CLIP1: variants seen among roughly 807,000 people sequenced by gnomAD.
The protein encoded by CLIP1 is CAP-Gly domain-containing linker protein 1.
In CLIP1, 66 loss-of-function variants were observed where a neutral mutation model predicts 161.6. The observed-to-expected ratio is 0.41, with a 90% confidence interval of 0.33 to 0.50. The LOEUF (loss-of-function observed/expected upper bound fraction) is 0.50, where lower values mean the gene tolerates loss of function less well. CLIP1 is among the 20% of genes least tolerant of loss of function. The pLI is 0.27. For missense variants in CLIP1, 1,376 were observed against 1,702.0 expected, an observed-to-expected ratio of 0.81 and a Z score of 3.37; for synonymous variants, 598 against 626.2, an observed-to-expected ratio of 0.96 and a Z score of 0.67.
Position 122,334,472 on chromosome 12 carries a change from G to T in CLIP1, c.2626+176C>A, listed in dbSNP as rs117387247. On this transcript the variant is annotated intron_variant, in intron 13 of 25. Coordinates refer to ENST00000620786, the MANE Select transcript of CLIP1 (RefSeq NM_001247997.2). ...CCTTAAGCTAAAAGAAGAAAAAATT[G>T]GGAGTTTGAGGCTTCAGGAAACCAA... is the stretch of plus-strand genomic sequence containing the variant. 7.9e-4 allele frequency among the ~76,000 whole-genome samples: 121 copies of T among 152,310 alleles called. 3 individuals carry two copies. In the East Asian group the frequency reaches 0.023, roughly 29 times the overall value.
chr12:122,309,524 C>T (rs1022145572), intron 20 of CLIP1, among the ~76,000 whole-genome samples: 3 of 152,190 alleles, frequency 2.0e-5, no homozygotes, highest in Non-Finnish European at 4.4e-5. Flanking sequence ...GTATTTTCTA[C>T]TTGCTTGCAA....
intron 3 of CLIP1, 125 bp downstream of exon 3, chr12:122,377,264 T>A: frequency 1.2e-6 from 1 of 833,762 alleles, no homozygotes; most frequent in Non-Finnish European, 1.9e-6. Context: ...CGCCTCAGCC[T>A]CCCAAAGTGC....
intron 3 of CLIP1, among the ~76,000 whole-genome samples, chr12:122,374,650 T>G (rs1954628253): frequency 6.6e-6 from 1 of 151,854 alleles, no homozygotes; most frequent in Non-Finnish European, 1.5e-5. Flanking sequence ...TAATCCCAGC[T>G]ACTCAGGAGG....
intron 15 of CLIP1, among the ~76,000 whole-genome samples, chr12:122,330,914 T>C (rs571616718): frequency 1.3e-5 from 2 of 152,108 alleles, no homozygotes; most frequent in African/African-American, 2.4e-5. Context: ...AATGTAGTTA[T>C]TAAGAGCAGG....
Position 122,377,871 on chromosome 12 carries a change from GAA to G in CLIP1, c.173_174del (p.Phe58SerfsTer12). 1.2e-6 allele frequency: 2 copies of G among 1,613,856 alleles called. No homozygotes were observed. The highest frequency in any genetic ancestry group is 1.7e-6 in the Non-Finnish European group (2 of 1,180,012). ...SETQEEFVDD[F>X]RVGERVWVNG... ...TTCACCCAAACTCGCTCCCCAACTC[GAA>G]AGTCATCCACAAATTCCTCCTGAGT... is the stretch of plus-strand genomic sequence containing the variant. On this transcript the variant is annotated frameshift_variant, in exon 3 of 26. Transcript: ENST00000620786. LOFTEE classifies it high-confidence loss of function.
chr12:122,324,047 T>C (rs375318557), intron 17 of CLIP1: 9 of 152,690 alleles, frequency 5.9e-5, no homozygotes, highest in East Asian at 5.8e-4. Context: ...CTGTACAACA[T>C]TGATTTCTTT....
intron 5 of CLIP1, among the ~76,000 whole-genome samples, chr12:122,358,032 T>C (rs1953571725): frequency 6.6e-6 from 1 of 152,216 alleles, no homozygotes; most frequent in Admixed American, 6.5e-5. Context: ...AGAAATCGAA[T>C]GGTTGCCATG....
Position 122,319,413 on chromosome 12 carries a change from G to A in CLIP1, c.3250-65C>T, listed in dbSNP as rs1401976569. On this transcript the variant is annotated intron_variant, in intron 17 of 25. Transcript: ENST00000620786. Reference sequence around the variant, plus strand: ...TCGCCAACACCGTTAGGTGAGGATCGGGCTGTGCTGTTCAGGCAGCACTCA... The same window carrying A: ...TCGCCAACACCGTTAGGTGAGGATCAGGCTGTGCTGTTCAGGCAGCACTCA... The A allele has an allele frequency of 2.8e-5, 34 of 1,234,082 alleles. No homozygotes were observed. The East Asian group carries it at 2.8e-4, about 10-fold the overall frequency. The allele number at this position is 1,234,082 out of a possible 1,614,324, so 76.4% of individuals were successfully genotyped here.
chr12:122,352,102 AGCTGGAGT>A (rs1953067345), intron 8 of CLIP1, among the ~76,000 whole-genome samples: 1 of 150,016 alleles, frequency 6.7e-6, no homozygotes, highest in South Asian at 2.1e-4. Context: ...CCATCCCCCA[AGCTGGAGT>A]GCAGTGGCAC....
At chr12:122,405,880 C>G (rs1956310821) in intron 1 of CLIP1, among the ~76,000 whole-genome samples, 1 of 152,060 alleles carries the variant, frequency 6.6e-6, no homozygotes, top group African/African-American at 2.4e-5. Flanking sequence ...ACCAGCCTGG[C>G]CAACTTGGTG....
chr12:122,404,159 G>A (rs972601378), intron 1 of CLIP1, among the ~76,000 whole-genome samples: 2 of 152,156 alleles, frequency 1.3e-5, no homozygotes, highest in Admixed American at 6.5e-5. Flanking sequence ...TGTGTGTGAC[G>A]CCACCAAACA....
chr12:122,379,317 A>C (rs28730465), intron 2 of CLIP1, among the ~76,000 whole-genome samples: 30,768 of 151,048 alleles, frequency 0.2, 3,560 homozygotes, highest in Admixed American at 0.27. Flanking sequence ...CAAAAAAAAA[A>C]AAAAACAAAA....
In CLIP1 at chr12:122,274,040, G is replaced by A. The variant is rs1235146104; in HGVS notation, c.4089C>T (p.Asp1363=). The change falls in exon 25 of 26, where the codon GAC becomes GAT. Residue 1363 remains aspartate, a splice_region_variant and synonymous_variant. Coordinates refer to ENST00000620786, the MANE Select transcript of CLIP1 (RefSeq NM_001247997.2). ...NGNGDDLNNY[D]SDDQEKQSKK... ...CAGTATGTCTTCATATGAAATACCT[G>A]TCATAATTGTTTAGGTCATCCCCGT... 10 of 1,613,356 alleles carry A rather than the reference G, an allele frequency of 6.2e-6. No individual in the cohort carries two copies. Among genetic ancestry groups the A allele is most frequent in the South Asian group, 1.1e-5 (1 of 91,032 alleles).
Position 122,341,260 on chromosome 12 carries a change from C to T in CLIP1, c.1944G>A (p.Gly648=), listed in dbSNP as rs1258894279. The change falls in exon 11 of 26, where the codon GGG becomes GGA. Residue 648 remains glycine, a synonymous_variant. Transcript: ENST00000620786. Reference sequence around the variant, plus strand: ...CAAATTCTGCCGTCTCTGTTCCAAGCCCTTTGCTGAAAGATACCTTCAGTT... The same window carrying T: ...CAAATTCTGCCGTCTCTGTTCCAAGTCCTTTGCTGAAAGATACCTTCAGTT... ...MEELKVSFSK[G]LGTETAEFAE... The T allele has an allele frequency of 6.2e-7, 1 of 1,614,024 alleles. No homozygotes were observed. The highest frequency in any genetic ancestry group is 1.7e-5 in the Admixed American group (1 of 59,986).
intron 1 of CLIP1, among the ~76,000 whole-genome samples, chr12:122,398,400 G>A (rs1956011092): frequency 6.6e-6 from 1 of 150,620 alleles, no homozygotes; most frequent in African/African-American, 2.5e-5. Context: ...ACTCCAGCCT[G>A]GGCGACAGAA....
At chr12:122,407,517 T>C (rs1355769657) in intron 1 of CLIP1, among the ~76,000 whole-genome samples, 1 of 151,772 alleles carries the variant, frequency 6.6e-6, no homozygotes, top group East Asian at 1.9e-4. Context: ...AAAACCAGCC[T>C]GGGCAACACG....
At chr12:122,326,092 T>G (rs1003718605) in intron 17 of CLIP1, among the ~76,000 whole-genome samples, 4 of 152,228 alleles carry the variant, frequency 2.6e-5, no homozygotes, top group African/African-American at 9.6e-5. Flanking sequence ...ACGTAAACTT[T>G]CCTGAAAAAA....
At chr12:122,366,340 G>A (rs1954169901) in intron 3 of CLIP1, among the ~76,000 whole-genome samples, 1 of 150,900 alleles carries the variant, frequency 6.6e-6, no homozygotes, top group Non-Finnish European at 1.5e-5. Flanking sequence ...AAAATAATTG[G>A]CCCAGTGTGG....
At chr12:122,390,589 G>A (rs547697696) in intron 1 of CLIP1, among the ~76,000 whole-genome samples, 2 of 151,762 alleles carry the variant, frequency 1.3e-5, no homozygotes, top group Admixed American at 1.3e-4. Context: ...TGGGATTACA[G>A]GTGTGAGCCA....
Sources: gnomAD v4.1 joint callset for allele counts (sites outside exome capture counted in the v4.1 genomes callset) on GRCh38, gnomAD v4.1.1 for gene constraint, MANE v1.5 for transcripts, NCBI Gene and HGNC (gene_info 2026-07-23, HGNC 2026-07-21) for gene names.